The following ARHGAP22 variants were observed in gnomAD, a reference collection of about 807,000 sequenced individuals.
ARHGAP22 encodes the protein Rho GTPase activating protein 22, also known as rho GTPase-activating protein 22.
In ARHGAP22, 48 loss-of-function variants were observed where a neutral mutation model predicts 59.1. The observed-to-expected ratio is 0.81, with a 90% CI of 0.64 to 1.03. ARHGAP22 has a LOEUF of 1.03. ARHGAP22 is among the 50% of genes least tolerant of loss of function. The pLI is 0.00. For synonymous variants in ARHGAP22, 445 were observed against 416.4 expected (o/e 1.07, Z -0.84); for missense variants, 1,015 against 958.7 (o/e 1.06, Z -0.78).
intron 3 of ARHGAP22, among the ~76,000 whole-genome samples, chr10:48,499,408 A>G (rs1286972549): frequency 6.6e-6 from 1 of 152,242 alleles, no homozygotes; most frequent in Non-Finnish European, 1.5e-5. Flanking sequence ...CTGAAAAGAC[A>G]CTTGACAAAA....
At chr10:48,635,049 G>C (rs934112615) in intron 1 of ARHGAP22, among the ~76,000 whole-genome samples, 7 of 152,096 alleles carry the variant, frequency 4.6e-5, no homozygotes, top group Admixed American at 3.3e-4. Context: ...TGGGGCCCGA[G>C]GTGCTTTGTC....
the ARHGAP22 span, among the ~76,000 whole-genome samples, chr10:48,440,829 G>T: frequency 6.6e-6 from 1 of 152,204 alleles, no homozygotes; most frequent in East Asian, 1.9e-4. Context: ...TAGGCTGGAG[G>T]TGTGGACATT....
intron 4 of ARHGAP22, among the ~76,000 whole-genome samples, chr10:48,475,390 C>T (rs549502962): frequency 2.0e-5 from 3 of 152,316 alleles, no homozygotes; most frequent in Admixed American, 1.3e-4. Context: ...TCTCTCTAGC[C>T]CAGTCCTCTC....
intron 3 of ARHGAP22, among the ~76,000 whole-genome samples, chr10:48,541,851 G>A (rs149407584): frequency 6.6e-6 from 1 of 152,326 alleles, no homozygotes; most frequent in South Asian, 2.1e-4. Flanking sequence ...GAAGGTGCAG[G>A]CCACCCTCCA....
intron 1 of ARHGAP22, among the ~76,000 whole-genome samples, chr10:48,597,111 C>T (rs958404789): frequency 3.3e-5 from 5 of 152,194 alleles, no homozygotes; most frequent in Admixed American, 2.0e-4. Context: ...ATCCCTTATG[C>T]TGCCCCTGGG....
chr10:48,542,806 C>T (rs1339751201), intron 3 of ARHGAP22, among the ~76,000 whole-genome samples: 1 of 152,182 alleles, frequency 6.6e-6, no homozygotes, highest in Non-Finnish European at 1.5e-5. Flanking sequence ...GGCTGAACAC[C>T]CTTGGGGGTG....
At chr10:48,454,233 G>A in intron 6 of ARHGAP22, 72 bp from the exon 7 acceptor site, 1 of 1,386,464 alleles carries the variant, frequency 7.2e-7, no homozygotes, top group Non-Finnish European at 1.0e-6. Context: ...GCGAGGAGGG[G>A]TGGGCAAAGA....
intron 4 of ARHGAP22, among the ~76,000 whole-genome samples, chr10:48,470,671 C>T (rs980759140): frequency 6.6e-6 from 1 of 152,218 alleles, no homozygotes; most frequent in Non-Finnish European, 1.5e-5. Flanking sequence ...CAGAACTAGT[C>T]TCAAGTACCC....
At chr10:48,527,931 G>T (rs2054480368) in intron 3 of ARHGAP22, among the ~76,000 whole-genome samples, 1 of 152,200 alleles carries the variant, frequency 6.6e-6, no homozygotes, top group Non-Finnish European at 1.5e-5. Context: ...CCAGGGGGTG[G>T]ATATCCAGTG....
chr10:48,554,680 G>T (rs1182211950), intron 3 of ARHGAP22, among the ~76,000 whole-genome samples: 1 of 152,152 alleles, frequency 6.6e-6, no homozygotes, highest in Non-Finnish European at 1.5e-5. Flanking sequence ...GGGAGTGGGT[G>T]GGTAGAGCCC....
At chr10:48,634,484 T>C (rs1415815854) in intron 1 of ARHGAP22, among the ~76,000 whole-genome samples, 1 of 152,122 alleles carries the variant, frequency 6.6e-6, no homozygotes, top group African/African-American at 2.4e-5. Context: ...CAGAAACCAT[T>C]GTAGGAAACT....
intron 2 of ARHGAP22, among the ~76,000 whole-genome samples, chr10:48,579,161 T>C (rs2058955753): frequency 6.6e-6 from 1 of 152,212 alleles, no homozygotes; most frequent in East Asian, 1.9e-4. Context: ...TTTAATTTTT[T>C]ACTTTTCCTT....
At chr10:48,587,313 A>C (rs1283258274) in intron 1 of ARHGAP22, among the ~76,000 whole-genome samples, 2 of 152,230 alleles carry the variant, frequency 1.3e-5, no homozygotes, top group East Asian at 3.8e-4. Flanking sequence ...AAGTGTTATC[A>C]GGACCCCTGG....
At chr10:48,550,942 A>C (rs748561917) in intron 3 of ARHGAP22, among the ~76,000 whole-genome samples, 1 of 152,168 alleles carries the variant, frequency 6.6e-6, no homozygotes, top group Non-Finnish European at 1.5e-5. Context: ...CCAATCCTTA[A>C]TTCTGTTCCC....
chr10:48,495,641 C>T (rs1225698853), intron 3 of ARHGAP22, among the ~76,000 whole-genome samples: 1 of 152,198 alleles, frequency 6.6e-6, no homozygotes, highest in Non-Finnish European at 1.5e-5. Context: ...GGTGAACCTT[C>T]CTCCTGGTAG....
At chr10:48,584,006 T>G (rs2135654868) in intron 1 of ARHGAP22, among the ~76,000 whole-genome samples, 2 of 152,296 alleles carry the variant, frequency 1.3e-5, no homozygotes, top group South Asian at 4.1e-4. Flanking sequence ...CTTCCCCTTC[T>G]GTCCCCCTCC....
chr10:48,580,163 G>A (rs1242227585), intron 2 of ARHGAP22, among the ~76,000 whole-genome samples: 1 of 152,208 alleles, frequency 6.6e-6, no homozygotes, highest in Non-Finnish European at 1.5e-5. Context: ...GTGCTCCCTG[G>A]CAATAAATGC....
At chr10:48,583,441 A>T (rs1015190976) in intron 1 of ARHGAP22, among the ~76,000 whole-genome samples, 1 of 152,142 alleles carries the variant, frequency 6.6e-6, no homozygotes, top group African/African-American at 2.4e-5. Flanking sequence ...TTGTTCATCC[A>T]TGCATCCATG....
chr10:48,549,245 T>C (rs1466367743), intron 3 of ARHGAP22, among the ~76,000 whole-genome samples: 3 of 152,164 alleles, frequency 2.0e-5, no homozygotes, highest in Admixed American at 1.3e-4. Context: ...CCAGCTACTA[T>C]TGAGATGGAG....
Sources: allele counts gnomAD v4.1 joint callset (sites outside exome capture counted in the v4.1 genomes callset), GRCh38; gene constraint gnomAD v4.1.1; transcripts MANE v1.5; gene names NCBI Gene and HGNC (gene_info 2026-07-23, HGNC 2026-07-21).